Variants in MUC4 observed in about 807,000 individuals in gnomAD.
MUC4 encodes mucin 4, cell surface associated.
MUC4 carries 202 observed loss-of-function variants against 257.9 expected under a neutral mutation model. The observed-to-expected ratio is 0.78, with a 90% CI of 0.70 to 0.88. The LOEUF (loss-of-function observed/expected upper bound fraction) is 0.88. MUC4 is among the 40% of genes least tolerant of loss of function. MUC4 has a pLI of 0.00. For synonymous variants in MUC4, 2,351 were observed against 2,757.1 expected, an observed-to-expected ratio of 0.85 and a Z score of 4.62; for missense variants, 5,976 against 6,513.7, an observed-to-expected ratio of 0.92 and a Z score of 2.84.
At chr3:195,762,376 T>C (rs1719195949) in intron 13 of MUC4, 122 bp from the exon 14 acceptor site, 1 of 1,099,374 alleles carries the variant, frequency 9.1e-7, no homozygotes, top group Non-Finnish European at 1.3e-6. Context: ...GGGAGGGGTC[T>C]GCACTGGAGG....
chr3:195,751,405 C>A (rs1716412403), intron 21 of MUC4, 134 bp from the exon 22 acceptor site: 2 of 706,318 alleles, frequency 2.8e-6, no homozygotes, highest in East Asian at 5.4e-5. Flanking sequence ...ACCTTCCTCA[C>A]CTGTCTCTGC....
Position 195,754,388 on chromosome 3 carries a change from C to T in MUC4, c.15169-16G>A, listed in dbSNP as rs772153775. 5.0e-6 allele frequency: 8 copies of T among 1,593,686 alleles called. No individual in the cohort carries two copies. The highest frequency in any genetic ancestry group is 1.3e-5 in the African/African-American group (1 of 74,418). Reference sequence around the variant, plus strand: ...AGCCAGCCACCTGGAGGAGGGTTGCCGATCACGGGCGGCCAGGAGACCAAA... The same window carrying T: ...AGCCAGCCACCTGGAGGAGGGTTGCTGATCACGGGCGGCCAGGAGACCAAA... On this transcript the variant is annotated splice_polypyrimidine_tract_variant and intron_variant, in intron 18 of 24. Transcript: ENST00000463781.
At chr3:195,778,214 G>T in intron 3 of MUC4, 89 bp downstream of exon 3, 1 of 1,454,848 alleles carries the variant, frequency 6.9e-7, no homozygotes. Flanking sequence ...CCCCACCCGA[G>T]AGAGCGGAGA....
At chr3:195,769,326 C>T in intron 6 of MUC4, 174 bp from the exon 7 acceptor site, 2 of 899,822 alleles carry the variant, frequency 2.2e-6, no homozygotes, top group Admixed American at 2.8e-5. Context: ...TCAGTGAGGG[C>T]AGCTTTCACC....
intron 20 of MUC4, among the ~76,000 whole-genome samples, 165 bp downstream of exon 20, chr3:195,752,886 G>A (rs1341044923): frequency 1.3e-5 from 2 of 152,010 alleles, no homozygotes; most frequent in African/African-American, 2.4e-5. Flanking sequence ...AGCTTGCCTC[G>A]CCAGCTCCCA....
Position 195,783,203 on chromosome 3 carries a change from C to G in MUC4, c.8377G>C (p.Ala2793Pro). 2 of 1,377,528 alleles carry G rather than the reference C, an allele frequency of 1.5e-6. No homozygotes were observed. Among genetic ancestry groups the G allele is most frequent in the Non-Finnish European group, 1.0e-6 (1 of 1,000,896 alleles). The allele number at this position is 1,377,528 out of a possible 1,614,324, so 85.3% of individuals were successfully genotyped here. The change falls in exon 2 of 25, where the codon GCA becomes CCA. Residue 2793 changes from alanine (A) to proline (P), a missense_variant. Transcript: ENST00000463781. The stretch of plus-strand genomic sequence containing the variant: ...AGAGGGGTGGTGTGACCTGTGGATG[C>G]TGAGGAAGGGCTGGTGACATGAAGA... ...TPLHVTSPSSASTGHTTPLPV... is the reference protein window; with the variant it reads ...TPLHVTSPSSPSTGHTTPLPV...
Position 195,763,633 on chromosome 3 carries a change from A to G in MUC4, c.14053T>C (p.Phe4685Leu), listed in dbSNP as rs2148812913. The change falls in exon 12 of 25, where the codon TTC becomes CTC. Residue 4685 changes from phenylalanine to leucine, a missense_variant. Coordinates refer to ENST00000463781, the MANE Select transcript of MUC4 (RefSeq NM_018406.7). The part of the protein sequence containing the change: ...TYRPPQPAWM[F>L]GDPHITTLDG... ...AAGGTGGTGATGTGGGGGTCCCCGA[A>G]CATCCAGGCTGGAAGGAAAAAAGAG... 6.5e-7 allele frequency: 1 copy of G among 1,533,176 alleles called. No homozygotes were observed. Among genetic ancestry groups the G allele is most frequent in the South Asian group, 1.2e-5 (1 of 81,440 alleles). The allele number at this position is 1,533,176 out of a possible 1,614,324, so 95.0% of individuals were successfully genotyped here. A position where few individuals can be genotyped will look rare whatever the true frequency, so the allele number is the denominator to read the frequency against.
At position 195,786,652 on chromosome 3, in the gene MUC4, G is replaced by A. The variant is rs768937495; in HGVS notation, c.4928C>T (p.Thr1643Ile). 28 of 1,531,768 alleles carry A rather than the reference G, an allele frequency of 1.8e-5. No individual in the cohort carries two copies. In the South Asian group the frequency reaches 3.1e-4, roughly 17 times the overall value. 94.9% of individuals were successfully genotyped at this position (1,531,768 alleles called of 1,614,324 possible). A position where few individuals can be genotyped will look rare whatever the true frequency, so the allele number is the denominator to read the frequency against. The part of the protein sequence containing the change: ...LPVTNASSLS[T>I]GHATPLHVTS... The stretch of plus-strand genomic sequence containing the variant: ...GACATGAAGAGGGGTGGCGTGACCT[G>A]TGGATAATGAGGAAGCATTGGTGAC... Residue 1643 changes from threonine to isoleucine, a missense_variant, in exon 2 of 25, where the codon ACA becomes ATA. By Grantham distance (89) the Thr-to-Ile change is moderately conservative. Around this residue, in one of 44 missense-constraint regions of MUC4, gnomAD observed 61 missense variants for 100.2 expected, o/e 0.61. Coordinates refer to ENST00000463781, the MANE Select transcript of MUC4 (RefSeq NM_018406.7).
At chr3:195,758,284 G>C (rs1010073113) in intron 17 of MUC4, among the ~76,000 whole-genome samples, 1 of 152,114 alleles carries the variant, frequency 6.6e-6, no homozygotes, top group East Asian at 1.9e-4. Flanking sequence ...CCTTTACGGA[G>C]AGGGAGCGAT....
rs757870055 is a variant in MUC4, at chr3:195,780,335, T to G, written c.11245A>C (p.Ser3749Arg). The change falls in exon 2 of 25, where the codon AGC becomes CGC. Residue 3749 changes from serine (S) to arginine (R), a missense_variant. Physicochemically the swap from Ser to Arg is moderately radical, Grantham distance 110. This residue lies in a region of MUC4 where 330 missense variants were observed against 262.0 expected (regional missense o/e 1.26). Transcript: ENST00000463781. Reference protein sequence around the residue: ...TGHVTPLPVTSTSSASTGHAT... With the variant: ...TGHVTPLPVTRTSSASTGHAT... Reference sequence around the variant, plus strand: ...TGACCTGTGGATGCTGAGGAAGTGCTGGTGACAGGAAGAGGGGTGACGTGA... The same window carrying G: ...TGACCTGTGGATGCTGAGGAAGTGCGGGTGACAGGAAGAGGGGTGACGTGA... 5.4e-5 allele frequency: 72 copies of G among 1,327,676 alleles called. 1 individual carries two copies. The highest frequency in any genetic ancestry group is 2.6e-4 in the Middle Eastern group (1 of 3,808). 82.2% of individuals were successfully genotyped at this position (1,327,676 alleles called of 1,614,324 possible).
chr3:195,774,901 C>CA (rs10666795), intron 3 of MUC4, among the ~76,000 whole-genome samples: 23,336 of 118,392 alleles, frequency 0.2, 2,658 homozygotes, highest in African/African-American at 0.34. Flanking sequence ...AACTCCATCT[C>CA]AAAAAAAAAA....
rs746140987 is a variant in MUC4 at position 195,760,986 on chromosome 3, C to A, written c.14746G>T (p.Asp4916Tyr). 1.1e-5 allele frequency: 18 copies of A among 1,614,082 alleles called. No homozygotes were observed. The Admixed American group carries it at 3.0e-4, about 27-fold the overall frequency. The change falls in exon 16 of 25, where the codon GAT (aspartate) becomes TAT (tyrosine). Residue 4916 changes from aspartate (D) to tyrosine (Y), a missense_variant. Coordinates refer to ENST00000463781, the MANE Select transcript of MUC4 (RefSeq NM_018406.7). ...AGGGTGTCATAGATGCATGAGCTAT[C>A]TCCGTCACAGTTGGAGATCAAATGT... ...AEHLISNCDG[D>Y]SSCIYDTLAL...
rs767415968 is a variant in MUC4 at position 195,789,609 on chromosome 3, G to C, written c.1971C>G (p.Pro657=). Residue 657 remains proline, a synonymous_variant, in exon 2 of 25, where the codon CCC becomes CCG. Coordinates refer to ENST00000463781, the MANE Select transcript of MUC4 (RefSeq NM_018406.7). ...QESQTTRSVS[P]MTDTKTVTTP... ...TGGTGACTGTCTTGGTGTCAGTCAT[G>C]GGGGAGACGGACCTCGTGGTTTGTG... The C allele has an allele frequency of 1.2e-5, 20 of 1,613,864 alleles. No individual in the cohort carries two copies. Among genetic ancestry groups the C allele is most frequent in the African/African-American group, 5.3e-5 (4 of 74,914 alleles).
At chr3:195,767,462 C>CCACCA (rs1310687476) in intron 7 of MUC4, among the ~76,000 whole-genome samples, 3 of 127,548 alleles carry the variant, frequency 2.4e-5, no homozygotes, top group South Asian at 2.6e-4. Flanking sequence ...ACCACCAACA[C>CCACCA]TACCACCACC....
chr3:195,754,068 G>C (rs1263326514), intron 19 of MUC4, 145 bp downstream of exon 19: 9 of 1,134,502 alleles, frequency 7.9e-6, no homozygotes, highest in Non-Finnish European at 1.1e-5. Flanking sequence ...TCCCACACCT[G>C]CCTAGATTTC....
Position 195,746,987 on chromosome 3 carries a change from C to G in MUC4, c.*189G>C, listed in dbSNP as rs1483759940. ...ATCCATGCATGTTTGATCTTTATGG[C>G]CTCCCCCTGTGCACCTGCGCCTATG... On this transcript the variant is annotated 3_prime_UTR_variant, in exon 25 of 25. Transcript: ENST00000463781. 28 of 829,994 alleles carry G rather than the reference C, an allele frequency of 3.4e-5. No individual in the cohort carries two copies. The highest frequency in any genetic ancestry group is 4.1e-5 in the Non-Finnish European group (22 of 537,108). The allele number at this position is 829,994 out of a possible 1,614,324, so 51.4% of individuals were successfully genotyped here.
chr3:195,780,676 A>T lies in MUC4; in HGVS notation c.10904T>A (p.Val3635Asp), dbSNP rs762804034. The part of the protein sequence containing the change: ...ASTGQATPLP[V>D]TSLSSVSTGD... ...TGTGGATACTGAGGAAAGGCTGGTG[A>T]CAGGAAGAGGGGTGGCCTGACCTGT... Residue 3635 changes from valine (V) to aspartate (D), a missense_variant, in exon 2 of 25, where the codon GTC (valine) becomes GAC (aspartate). Val to Asp is a radical substitution (Grantham distance 152). Around this residue, in one of 44 missense-constraint regions of MUC4, gnomAD observed 59 missense variants for 149.8 expected, o/e 0.39. Transcript: ENST00000463781. 2.0e-6 allele frequency: 3 copies of T among 1,521,986 alleles called. No homozygotes were observed. Among genetic ancestry groups the T allele is most frequent in the Middle Eastern group, 2.3e-4 (1 of 4,430 alleles). 94.3% of individuals were successfully genotyped at this position (1,521,986 alleles called of 1,614,324 possible).
intron 1 of MUC4, among the ~76,000 whole-genome samples, chr3:195,809,287 G>A (rs1221785610): frequency 6.6e-6 from 1 of 152,218 alleles, no homozygotes; most frequent in Non-Finnish European, 1.5e-5. Flanking sequence ...GACCCAGCCT[G>A]GGTGAGGGTC....
At chr3:195,798,914 A>AG (rs985990081) in intron 1 of MUC4, among the ~76,000 whole-genome samples, 5 of 152,018 alleles carry the variant, frequency 3.3e-5, no homozygotes, top group African/African-American at 1.2e-4. Flanking sequence ...GAGCTGGCTC[A>AG]GGGGGACTGG....
Sources: allele counts gnomAD v4.1 joint callset (sites outside exome capture counted in the v4.1 genomes callset), GRCh38; gene constraint gnomAD v4.1.1; regional missense constraint gnomAD v4.1.1; transcripts MANE v1.5; gene names NCBI Gene and HGNC (gene_info 2026-07-23, HGNC 2026-07-21).